Variants in CEP83 observed in about 807,000 individuals in gnomAD.
The protein encoded by CEP83 is centrosomal protein of 83 kDa.
A neutral mutation model predicts 101.9 loss-of-function variants in CEP83; 70 were observed. The observed-to-expected ratio is 0.69, with a 90% confidence interval of 0.57 to 0.84. CEP83 has a LOEUF of 0.84. CEP83 is among the 40% of genes least tolerant of loss of function. CEP83 has a pLI of 0.00. For synonymous variants in CEP83, 264 were observed against 267.9 expected (o/e 0.99, Z 0.14); for missense variants, 715 against 787.2 (o/e 0.91, Z 1.10).
intron 14 of CEP83, among the ~76,000 whole-genome samples, chr12:94,317,864 TTTG>T (rs982922094): frequency 4.9e-4 from 75 of 151,850 alleles, no homozygotes; most frequent in African/African-American, 1.4e-3. Context: ...CTCCACGTTT[TTTG>T]TTGTTGTTGT....
chr12:94,319,207 T>C (rs943897334), intron 14 of CEP83, among the ~76,000 whole-genome samples: 5 of 152,232 alleles, frequency 3.3e-5, no homozygotes, highest in African/African-American at 1.2e-4. Flanking sequence ...AAGGTGTTTA[T>C]AGTTGTCTGT....
the CEP83 span, among the ~76,000 whole-genome samples, chr12:94,284,596 C>T: frequency 0.32 from 48,436 of 151,826 alleles, 8,013 homozygotes; most frequent in Non-Finnish European, 0.38. Context: ...AGCAGTCCTA[C>T]GAGATAGGTA....
At chr12:94,333,193 A>C (rs1329686933) in intron 13 of CEP83, among the ~76,000 whole-genome samples, 1 of 152,126 alleles carries the variant, frequency 6.6e-6, no homozygotes, top group Non-Finnish European at 1.5e-5. Flanking sequence ...TTTTTGAAGA[A>C]ATGTTTTGGT....
intron 14 of CEP83, among the ~76,000 whole-genome samples, chr12:94,313,745 G>A (rs1274359610): frequency 1.3e-5 from 2 of 152,142 alleles, no homozygotes; most frequent in Non-Finnish European, 2.9e-5. Context: ...GCTGAGGCAG[G>A]AGAATCACTT....
chr12:94,384,399 C>A (rs2062018645), intron 6 of CEP83, among the ~76,000 whole-genome samples: 2 of 152,066 alleles, frequency 1.3e-5, no homozygotes, highest in Admixed American at 1.3e-4. Context: ...ACTATGGTAT[C>A]TCTTGCTGTG....
At chr12:94,384,805 C>G (rs1961780) in intron 6 of CEP83, among the ~76,000 whole-genome samples, 26,080 of 152,004 alleles carry the variant, frequency 0.17, 3,319 homozygotes, top group East Asian at 0.55. Context: ...GTTTCAACCA[C>G]GTTTATAATT....
chr12:94,453,038 C>T lies in CEP83; in HGVS notation c.-155+6519G>A, dbSNP rs373807237. Among the ~76,000 whole-genome samples the T allele has an allele frequency of 2.0e-5, 3 of 152,292 alleles. No homozygotes were observed. The East Asian group carries it at 5.8e-4, about 29-fold the overall frequency. On this transcript the variant is annotated intron_variant, in intron 1 of 16. Transcript: ENST00000397809. The stretch of plus-strand genomic sequence containing the variant: ...GGGCATCTTTATTTAGATAGGTTTA[C>T]ATTTATAGGACTACACACTCAATGT...
chr12:94,321,794 G>A lies in CEP83; in HGVS notation c.1708-8777C>T, dbSNP rs114101613. Among the ~76,000 whole-genome samples the A allele has an allele frequency of 5.7e-3, 866 of 152,244 alleles. 7 individuals carry two copies. The highest frequency in any genetic ancestry group is 0.019 in the African/African-American group (805 of 41,540). On this transcript the variant is annotated intron_variant, in intron 14 of 16. Coordinates refer to ENST00000397809, the MANE Select transcript of CEP83 (RefSeq NM_016122.3). ...AGGAGCTCTGTCCCAGACAGTAACAGAGCTGCTACTGGCTGGATGGCCCTG... is the reference window on the plus strand; with the variant it reads ...AGGAGCTCTGTCCCAGACAGTAACAAAGCTGCTACTGGCTGGATGGCCCTG...
chr12:94,277,542 C>T, the CEP83 span, among the ~76,000 whole-genome samples: 1 of 152,188 alleles, frequency 6.6e-6, no homozygotes, highest in Non-Finnish European at 1.5e-5. Flanking sequence ...AAGCGACATA[C>T]ACAGAGGTTA....
chr12:94,275,609 T>G, the CEP83 span, among the ~76,000 whole-genome samples: 1 of 86,060 alleles, frequency 1.2e-5, no homozygotes, highest in East Asian at 3.3e-4. Flanking sequence ...ATCCCAGCAC[T>G]TTGGGAGGCC....
chr12:94,386,488 C>T lies in CEP83; in HGVS notation c.550-7446G>A, dbSNP rs571378085. Among the ~76,000 whole-genome samples the T allele has an allele frequency of 5.9e-5, 9 of 152,302 alleles. No individual in the cohort carries two copies. In the South Asian group the frequency reaches 1.9e-3, roughly 32 times the overall value. ...TCCTTGGCCTCTCAAATTCTGAACT[C>T]CAACTCCTCAGCTCAAAGATCATGT... On this transcript the variant is annotated intron_variant, in intron 6 of 16. Transcript: ENST00000397809.
the CEP83 span, chr12:94,279,877 G>T: frequency 1.5e-6 from 1 of 678,880 alleles, no homozygotes; most frequent in Non-Finnish European, 2.7e-6. Context: ...GGCGTTTGTT[G>T]TTGTTGTCTT....
At chr12:94,331,550 C>T in intron 14 of CEP83, 150 bp downstream of exon 14, 1 of 608,472 alleles carries the variant, frequency 1.6e-6, no homozygotes, top group South Asian at 2.1e-5. Context: ...TGTATTTTTT[C>T]AGTAGAGATG....
At chr12:94,449,417 CTTAA>C (rs1324554433) in intron 1 of CEP83, among the ~76,000 whole-genome samples, 1 of 151,996 alleles carries the variant, frequency 6.6e-6, no homozygotes, top group African/African-American at 2.4e-5. Flanking sequence ...CCCAAAATTC[CTTAA>C]TAATAATCAG....
chr12:94,355,476 G>T (rs149961147), intron 11 of CEP83, among the ~76,000 whole-genome samples: 2 of 152,072 alleles, frequency 1.3e-5, no homozygotes, highest in Admixed American at 1.3e-4. Flanking sequence ...GGGCAACAGA[G>T]CGAGACTCCG....
At chr12:94,366,515 TCTCA>T (rs899976640) in intron 11 of CEP83, among the ~76,000 whole-genome samples, 9 of 152,162 alleles carry the variant, frequency 5.9e-5, no homozygotes, top group African/African-American at 2.2e-4. Flanking sequence ...ATGCCAGTTT[TCTCA>T]CTGTCAAAAG....
chr12:94,351,658 A>G (rs180947012), intron 11 of CEP83, among the ~76,000 whole-genome samples: 1 of 152,304 alleles, frequency 6.6e-6, no homozygotes. Context: ...CTAGGGTTTA[A>G]GAACTAGCTG....
chr12:94,337,932 C>A (rs2059520801), intron 11 of CEP83, among the ~76,000 whole-genome samples: 1 of 151,974 alleles, frequency 6.6e-6, no homozygotes, highest in Non-Finnish European at 1.5e-5. Context: ...ATATCCTTAG[C>A]TTATGTACAA....
chr12:94,277,565 G>A, the CEP83 span, among the ~76,000 whole-genome samples: 1 of 152,150 alleles, frequency 6.6e-6, no homozygotes, highest in Admixed American at 6.5e-5. Flanking sequence ...CAGCTGGTTA[G>A]GGATGGGTTC....
Sources: allele counts gnomAD v4.1 joint callset (sites outside exome capture counted in the v4.1 genomes callset), GRCh38; gene constraint gnomAD v4.1.1; transcripts MANE v1.5; gene names NCBI Gene and HGNC (gene_info 2026-07-23, HGNC 2026-07-21).